The following GSG1L variants were observed in gnomAD, a reference collection of about 807,000 sequenced individuals.
GSG1L encodes germ cell-specific gene 1-like protein.
Under a neutral mutation model 42.1 loss-of-function variants are expected in GSG1L, and 24 were observed. That is an observed-to-expected ratio of 0.57 (90% confidence interval 0.41 to 0.80). The LOEUF is 0.80. Among genes scored for constraint, GSG1L ranks in the 30% least tolerant of loss-of-function variants. The pLI, the probability that GSG1L is intolerant of heterozygous loss-of-function variation, is 0.00. For synonymous variants in GSG1L, 215 were observed against 203.5 expected (o/e 1.06, Z -0.48); for missense variants, 445 against 472.2 (o/e 0.94, Z 0.53).
chr16:28,053,545 G>C (rs1286251945), intron 1 of GSG1L, among the ~76,000 whole-genome samples: 1 of 152,140 alleles, frequency 6.6e-6, no homozygotes, highest in African/African-American at 2.4e-5. Flanking sequence ...CCACTCCCCC[G>C]GGGCTGAGGC....
intron 3 of GSG1L, among the ~76,000 whole-genome samples, chr16:27,878,991 A>G (rs1296861120): frequency 6.6e-6 from 1 of 152,170 alleles, no homozygotes; most frequent in Admixed American, 6.5e-5. Context: ...GGCCAGGGTG[A>G]TAACACAATC....
chr16:27,860,281 G>T (rs544327753), intron 3 of GSG1L, among the ~76,000 whole-genome samples: 1 of 152,344 alleles, frequency 6.6e-6, no homozygotes, highest in East Asian at 1.9e-4. Context: ...GCTCACACAG[G>T]CTCAGCCCTG....
chr16:27,894,749 C>T (rs2084170971), intron 2 of GSG1L, among the ~76,000 whole-genome samples: 1 of 152,148 alleles, frequency 6.6e-6, no homozygotes, highest in African/African-American at 2.4e-5. Flanking sequence ...TCACTGAGCC[C>T]CCAGCCCTTG....
intron 1 of GSG1L, among the ~76,000 whole-genome samples, chr16:27,988,619 A>T (rs1239278719): frequency 6.6e-6 from 1 of 152,194 alleles, no homozygotes; most frequent in Non-Finnish European, 1.5e-5. Context: ...ATAGGGTTTT[A>T]TTAAAATTAG....
intron 1 of GSG1L, among the ~76,000 whole-genome samples, chr16:27,981,138 G>A (rs987622650): frequency 1.8e-4 from 28 of 152,186 alleles, no homozygotes; most frequent in African/African-American, 4.3e-4. Context: ...GACCCCACAC[G>A]TGGCAGGAGA....
Position 27,857,731 on chromosome 16 carries a change from A to G in GSG1L, c.551-12670T>C, listed in dbSNP as rs558975995. Among the ~76,000 whole-genome samples the G allele has an allele frequency of 2.6e-5, 4 of 151,474 alleles. No individual in the cohort carries two copies. In the East Asian group the frequency reaches 7.8e-4, roughly 30 times the overall value. ...ACTTCTTTCTCTCCATCTCTCTCTC[A>G]TTTTTGTCTCTTTCTCTCTGTCTGC... On this transcript the variant is annotated intron_variant, in intron 3 of 6. Transcript: ENST00000447459.
rs1260570055 is a variant in GSG1L at position 27,869,859 on chromosome 16, GTC to G, written c.550+14625_550+14626del. ...TCCATCTCTCTCTCCATCTCTCTCT[GTC>G]TCTGTCTCCCTCCATCTCTCTGTCT... On this transcript the variant is annotated intron_variant, in intron 3 of 6. Transcript: ENST00000447459. 1.9e-4 allele frequency among the ~76,000 whole-genome samples: 8 copies of G among 41,610 alleles called. No homozygotes were observed. In the East Asian group the frequency reaches 4.8e-3, roughly 25 times the overall value. The allele number at this position is 41,610 out of a possible 152,430, so 27.3% of individuals were successfully genotyped here.
At chr16:27,796,449 A>C (rs1309707775) in intron 6 of GSG1L, among the ~76,000 whole-genome samples, 2 of 152,222 alleles carry the variant, frequency 1.3e-5, no homozygotes, top group African/African-American at 4.8e-5. Context: ...ATATCTGTTT[A>C]CTGGTTTTCT....
chr16:28,015,825 G>A (rs2085774204), intron 1 of GSG1L, among the ~76,000 whole-genome samples: 1 of 152,226 alleles, frequency 6.6e-6, no homozygotes, highest in African/African-American at 2.4e-5. Context: ...TCTGGTACCA[G>A]CTTGGTTCCA....
Position 27,857,460 on chromosome 16 carries a change from G to A in GSG1L, c.551-12399C>T, listed in dbSNP as rs146548854. 1.1e-3 allele frequency among the ~76,000 whole-genome samples: 170 copies of A among 151,866 alleles called. 2 individuals carry two copies. In the East Asian group the frequency reaches 0.03, roughly 27 times the overall value. On this transcript the variant is annotated intron_variant, in intron 3 of 6. Coordinates refer to ENST00000447459, the MANE Select transcript of GSG1L (RefSeq NM_001109763.2). ...AAAAAAAAGAAAGAAAGGCGTGGGGGGCCAGGTGCGATGGTTCACTCCTGT... is the reference window on the plus strand; with the variant it reads ...AAAAAAAAGAAAGAAAGGCGTGGGGAGCCAGGTGCGATGGTTCACTCCTGT...
At chr16:27,964,338 A>AC (rs796599669) in intron 1 of GSG1L, among the ~76,000 whole-genome samples, 2 of 152,182 alleles carry the variant, frequency 1.3e-5, no homozygotes, top group African/African-American at 4.8e-5. Flanking sequence ...AAAAAAAAAA[A>AC]ATGTGCATAT....
intron 1 of GSG1L, among the ~76,000 whole-genome samples, chr16:28,003,582 C>G (rs1270613478): frequency 6.6e-6 from 1 of 152,226 alleles, no homozygotes; most frequent in East Asian, 1.9e-4. Context: ...AAATCATGGC[C>G]TTGCAGGAAA....
intron 2 of GSG1L, among the ~76,000 whole-genome samples, chr16:27,951,578 G>A (rs2141096377): frequency 6.6e-6 from 1 of 152,210 alleles, no homozygotes; most frequent in Non-Finnish European, 1.5e-5. Flanking sequence ...GACAGCCAGG[G>A]GTGTAAAGAG....
intron 2 of GSG1L, among the ~76,000 whole-genome samples, chr16:27,889,406 G>T (rs1020136618): frequency 2.0e-5 from 3 of 152,156 alleles, no homozygotes; most frequent in Non-Finnish European, 4.4e-5. Flanking sequence ...GATTGTTCTT[G>T]TCGTTATAAT....
intron 2 of GSG1L, among the ~76,000 whole-genome samples, chr16:27,898,308 T>C (rs981446453): frequency 1.3e-5 from 2 of 152,244 alleles, no homozygotes; most frequent in East Asian, 1.9e-4. Flanking sequence ...GGAAGAACTT[T>C]GAAGTCCAAG....
At chr16:28,041,402 C>T (rs950747146) in intron 1 of GSG1L, among the ~76,000 whole-genome samples, 1 of 151,770 alleles carries the variant, frequency 6.6e-6, no homozygotes, top group Non-Finnish European at 1.5e-5. Context: ...CAGTGAGCTG[C>T]GATCACACCA....
At position 27,930,479 on chromosome 16, in the gene GSG1L, C is replaced by T. The variant is rs140047492; in HGVS notation, c.397+32677G>A. 2.8e-3 allele frequency among the ~76,000 whole-genome samples: 428 copies of T among 152,338 alleles called. 5 individuals carry two copies. The highest frequency in any genetic ancestry group is 9.6e-3 in the African/African-American group (401 of 41,582). ...CTGATTCCTCCCACTGGGATGTAAG[C>T]TCCAGGAAGACAGGATTGCTTTTCT... On this transcript the variant is annotated intron_variant, in intron 2 of 6. Coordinates refer to ENST00000447459, the MANE Select transcript of GSG1L (RefSeq NM_001109763.2).
At chr16:28,046,479 G>T (rs56309411) in intron 1 of GSG1L, among the ~76,000 whole-genome samples, 1 of 149,548 alleles carries the variant, frequency 6.7e-6, no homozygotes, top group African/African-American at 2.5e-5. Flanking sequence ...TCAGCCTCCC[G>T]AATAGCTCGG....
At chr16:27,831,223 A>G (rs1019331538) in intron 4 of GSG1L, among the ~76,000 whole-genome samples, 2 of 152,168 alleles carry the variant, frequency 1.3e-5, no homozygotes, top group African/African-American at 4.8e-5. Flanking sequence ...CCAGCCTGAG[A>G]ATGAAATTGA....
Sources: gnomAD v4.1 joint callset for allele counts (sites outside exome capture counted in the v4.1 genomes callset) on GRCh38, gnomAD v4.1.1 for gene constraint, MANE v1.5 for transcripts, NCBI Gene and HGNC (gene_info 2026-07-23, HGNC 2026-07-21) for gene names.